Variants in MEIS1 observed in about 807,000 individuals in gnomAD.
MEIS1 encodes homeobox protein Meis1.
MEIS1 carries 5 observed loss-of-function variants against 50.8 expected under a neutral mutation model. The observed-to-expected ratio is 0.10, with a 90% CI of 0.05 to 0.21. MEIS1 has a LOEUF of 0.21. MEIS1 is among the 10% of genes least tolerant of loss of function. The pLI is 1.00. For missense variants in MEIS1, 318 were observed against 517.3 expected, an observed-to-expected ratio of 0.61 and a Z score of 3.74; for synonymous variants, 176 against 179.3, an observed-to-expected ratio of 0.98 and a Z score of 0.15.
chr2:66,569,455 C>G (rs925820066), intron 12 of MEIS1: 2 of 189,982 alleles, frequency 1.1e-5, no homozygotes, highest in Admixed American at 5.6e-5. Flanking sequence ...TGTAAGCAGT[C>G]TGCAGCAGTG....
chr2:66,481,473 G>C (rs997369218), intron 7 of MEIS1, among the ~76,000 whole-genome samples: 4 of 152,162 alleles, frequency 2.6e-5, no homozygotes, highest in African/African-American at 9.7e-5. Flanking sequence ...GCTAATCCAG[G>C]TTCCTATTTC....
intron 7 of MEIS1, among the ~76,000 whole-genome samples, chr2:66,504,837 A>C (rs1384148731): frequency 6.6e-6 from 1 of 152,172 alleles, no homozygotes; most frequent in East Asian, 1.9e-4. Flanking sequence ...TGGTTTCCAA[A>C]GGAACCGCTT....
intron 7 of MEIS1, among the ~76,000 whole-genome samples, chr2:66,466,336 C>G (rs1320291825): frequency 6.6e-6 from 1 of 152,248 alleles, no homozygotes; most frequent in Non-Finnish European, 1.5e-5. Flanking sequence ...CTGGTTTCCC[C>G]TACCCCACCT....
intron 8 of MEIS1, among the ~76,000 whole-genome samples, chr2:66,536,335 C>T (rs143268407): frequency 4.2e-4 from 64 of 152,194 alleles, no homozygotes; most frequent in African/African-American, 1.4e-3. Context: ...TTTGTCTTCC[C>T]AAACATTATG....
rs114023347 is a variant in MEIS1, at chr2:66,441,135, G to A, written c.433-279G>A. The stretch of plus-strand genomic sequence containing the variant: ...GTTGTGGCCCTTTTGGGGTGGGGTG[G>A]GGCCAGTGGGACTGAGAAAGGGGAG... On this transcript the variant is annotated intron_variant, in intron 4 of 12. Transcript: ENST00000272369. 780 of 430,556 alleles carry A rather than the reference G, an allele frequency of 1.8e-3. 9 individuals are homozygous for A. Among genetic ancestry groups the A allele is most frequent in the African/African-American group, 0.015 (723 of 48,416 alleles). The allele number at this position is 430,556 out of a possible 1,614,324, so 26.7% of individuals were successfully genotyped here.
At chr2:66,567,371 A>G in intron 9 of MEIS1, 82 bp from the exon 10 acceptor site, 3 of 1,433,004 alleles carry the variant, frequency 2.1e-6, no homozygotes, top group South Asian at 2.4e-5. Flanking sequence ...TTTTACTCCA[A>G]CTGCGATTCA....
chr2:66,472,232 A>G (rs929182199), intron 7 of MEIS1, among the ~76,000 whole-genome samples: 2 of 152,220 alleles, frequency 1.3e-5, no homozygotes, highest in African/African-American at 2.4e-5. Flanking sequence ...TTCAGGTGGT[A>G]GATTCTTCAC....
chr2:66,549,969 C>T (rs1674880351), intron 9 of MEIS1, among the ~76,000 whole-genome samples: 1 of 152,158 alleles, frequency 6.6e-6, no homozygotes, highest in African/African-American at 2.4e-5. Flanking sequence ...ATTCTATGCA[C>T]AGTCTCTGCC....
At chr2:66,491,740 T>C (rs1352084632) in intron 7 of MEIS1, among the ~76,000 whole-genome samples, 2 of 152,194 alleles carry the variant, frequency 1.3e-5, no homozygotes, top group African/African-American at 4.8e-5. Context: ...AAAACTGACT[T>C]GACAGCCATT....
At chr2:66,511,657 A>G (rs1673833333) in intron 7 of MEIS1, among the ~76,000 whole-genome samples, 1 of 152,204 alleles carries the variant, frequency 6.6e-6, no homozygotes, top group South Asian at 2.1e-4. Flanking sequence ...TGGATTACCT[A>G]CATTTCCCCA....
chr2:66,520,757 C>T (rs1180120481), intron 8 of MEIS1, among the ~76,000 whole-genome samples: 1 of 152,110 alleles, frequency 6.6e-6, no homozygotes, highest in Non-Finnish European at 1.5e-5. Flanking sequence ...ACACTGGATG[C>T]ATAAGACAAT....
chr2:66,463,930 C>G (rs1558527822), intron 6 of MEIS1, among the ~76,000 whole-genome samples, 179 bp from the exon 7 acceptor site: 1 of 152,190 alleles, frequency 6.6e-6, no homozygotes, highest in Non-Finnish European at 1.5e-5. Flanking sequence ...GAAGCAGAAA[C>G]TGGCAAATTA....
chr2:66,463,915 GCT>G (rs995047340), intron 6 of MEIS1, among the ~76,000 whole-genome samples, 192 bp from the exon 7 acceptor site: 12 of 152,296 alleles, frequency 7.9e-5, no homozygotes, highest in Middle Eastern at 3.4e-3. Context: ...TATTATTTTA[GCT>G]TGGAAGCAGA....
chr2:66,493,494 A>T (rs1673322898), intron 7 of MEIS1, among the ~76,000 whole-genome samples: 1 of 152,174 alleles, frequency 6.6e-6, no homozygotes, highest in South Asian at 2.1e-4. Flanking sequence ...TTATTTCCTT[A>T]TAAATGAATT....
Position 66,571,328 on chromosome 2 carries a change from C to G in MEIS1, c.*120C>G, listed in dbSNP as rs1675482582. 3.1e-6 allele frequency: 5 copies of G among 1,598,246 alleles called. No individual in the cohort carries two copies. Among genetic ancestry groups the G allele is most frequent in the Non-Finnish European group, 3.4e-6 (4 of 1,172,526 alleles). On this transcript the variant is annotated 3_prime_UTR_variant, in exon 13 of 13. Transcript: ENST00000272369. ...TGGGACAGCCAAGTTATACCCAACC[C>G]CAGATGCCCCCCCATCCTGCTCAGC...
intron 8 of MEIS1, among the ~76,000 whole-genome samples, chr2:66,533,505 A>G (rs529309220): frequency 2.0e-5 from 3 of 152,174 alleles, no homozygotes; most frequent in African/African-American, 7.2e-5. Context: ...TCACCTCTAT[A>G]TCTTGCTTTT....
intron 6 of MEIS1, among the ~76,000 whole-genome samples, chr2:66,450,683 A>C (rs1284123420): frequency 6.6e-6 from 1 of 152,154 alleles, no homozygotes; most frequent in African/African-American, 2.4e-5. Flanking sequence ...TCAGTAAATA[A>C]GATTTTTGAG....
intron 6 of MEIS1, among the ~76,000 whole-genome samples, chr2:66,443,987 T>G (rs1453775536): frequency 6.6e-6 from 1 of 152,184 alleles, no homozygotes; most frequent in Admixed American, 6.5e-5. Flanking sequence ...ACACCACCGT[T>G]TGCTCCCAGG....
intron 7 of MEIS1, among the ~76,000 whole-genome samples, chr2:66,484,685 A>G (rs537189135): frequency 7.9e-5 from 12 of 151,978 alleles, no homozygotes; most frequent in Admixed American, 3.9e-4. Flanking sequence ...CAGCCTCCCA[A>G]ATAGCTGGGA....
Sources: allele counts gnomAD v4.1 joint callset (sites outside exome capture counted in the v4.1 genomes callset), GRCh38; gene constraint gnomAD v4.1.1; transcripts MANE v1.5; gene names NCBI Gene and HGNC (gene_info 2026-07-23, HGNC 2026-07-21).